TMEM108: variants seen among roughly 807,000 people sequenced by gnomAD.
TMEM108 encodes cancer/testis antigen 124.
In TMEM108, 12 loss-of-function variants were observed where a neutral mutation model predicts 35.1. The observed-to-expected ratio is 0.34, with a 90% CI of 0.22 to 0.55. The LOEUF (loss-of-function observed/expected upper bound fraction) is 0.55, where lower values mean the gene tolerates loss of function less well. Ranked by LOEUF, TMEM108 falls within the 20% of genes least tolerant of loss-of-function variation. TMEM108 has a pLI of 0.89. For synonymous variants in TMEM108, 287 were observed against 308.6 expected (o/e 0.93, Z 0.73); for missense variants, 680 against 753.3 (o/e 0.90, Z 1.14).
intron 2 of TMEM108, among the ~76,000 whole-genome samples, chr3:133,217,887 T>C (rs76038136): frequency 0.33 from 50,264 of 151,876 alleles, 8,859 homozygotes; most frequent in East Asian, 0.47. Flanking sequence ...TTGCTCAAGA[T>C]TACTTTGGCT....
At chr3:133,261,153 T>TTTCA (rs1194235553) in intron 3 of TMEM108, among the ~76,000 whole-genome samples, 1 of 152,188 alleles carries the variant, frequency 6.6e-6, no homozygotes, top group Non-Finnish European at 1.5e-5. Context: ...GTGGTACCTG[T>TTTCA]TTCATTCATT....
chr3:133,146,767 A>AT (rs1156920814), intron 2 of TMEM108, among the ~76,000 whole-genome samples: 1 of 151,964 alleles, frequency 6.6e-6, no homozygotes, highest in Non-Finnish European at 1.5e-5. Flanking sequence ...TGTTTATAGT[A>AT]TTTTCTGATG....
intron 3 of TMEM108, among the ~76,000 whole-genome samples, chr3:133,316,861 G>A (rs935284291): frequency 2.6e-5 from 4 of 152,194 alleles, no homozygotes; most frequent in Admixed American, 6.5e-5. Flanking sequence ...CAGACAGACC[G>A]TCTAAGTGAG....
At chr3:133,056,536 C>G (rs1943468034) in intron 2 of TMEM108, among the ~76,000 whole-genome samples, 1 of 152,096 alleles carries the variant, frequency 6.6e-6, no homozygotes, top group Non-Finnish European at 1.5e-5. Context: ...TATTTTCTGC[C>G]TTTTCATCCC....
In TMEM108 at chr3:133,207,156, A is replaced by G. The variant is rs532610963; in HGVS notation, c.-46-22110A>G. Among the ~76,000 whole-genome samples, 67 of 152,164 alleles carry G rather than the reference A, an allele frequency of 4.4e-4. 1 individual carries two copies. Among genetic ancestry groups the G allele is most frequent in the Admixed American group, 8.5e-4 (13 of 15,278 alleles). ...TCAGGGCCCTGGTGTTGCGAAGACC[A>G]TGGGAAAAGCATAGTATCTGCATTG... On this transcript the variant is annotated intron_variant, in intron 2 of 5. Transcript: ENST00000321871.
intron 2 of TMEM108, among the ~76,000 whole-genome samples, chr3:133,102,430 G>T (rs1380828881): frequency 6.6e-6 from 1 of 152,174 alleles, no homozygotes; most frequent in Admixed American, 6.5e-5. Flanking sequence ...ACTGCAGGAA[G>T]TTTTCTCTTT....
intron 4 of TMEM108, among the ~76,000 whole-genome samples, chr3:133,384,167 A>G (rs749778370): frequency 2.0e-5 from 3 of 152,302 alleles, no homozygotes; most frequent in East Asian, 1.9e-4. Flanking sequence ...CATTTATCTT[A>G]AAGCTACTCT....
chr3:133,062,170 A>G (rs1329492223), intron 2 of TMEM108, among the ~76,000 whole-genome samples: 1 of 152,228 alleles, frequency 6.6e-6, no homozygotes, highest in Non-Finnish European at 1.5e-5. Flanking sequence ...TCATTCCTTC[A>G]TCCAGTTTTT....
At chr3:133,086,899 G>T (rs773009411) in intron 2 of TMEM108, among the ~76,000 whole-genome samples, 2 of 152,160 alleles carry the variant, frequency 1.3e-5, no homozygotes, top group Non-Finnish European at 1.5e-5. Flanking sequence ...GGTTACAGAA[G>T]GATCAGCATG....
intron 4 of TMEM108, chr3:133,386,568 A>C: frequency 6.7e-7 from 1 of 1,490,914 alleles, no homozygotes; most frequent in Non-Finnish European, 8.9e-7. Context: ...CTGGGAACCC[A>C]AGAGAGCTTA....
intron 3 of TMEM108, among the ~76,000 whole-genome samples, chr3:133,299,114 A>T (rs1947184408): frequency 6.6e-6 from 1 of 152,222 alleles, no homozygotes; most frequent in African/African-American, 2.4e-5. Context: ...GGGAAACTAT[A>T]TAAAGCTCAC....
At chr3:133,153,781 G>A (rs1422818254) in intron 2 of TMEM108, among the ~76,000 whole-genome samples, 3 of 152,130 alleles carry the variant, frequency 2.0e-5, no homozygotes, top group African/African-American at 7.2e-5. Flanking sequence ...CAAAACAAAG[G>A]CAAACCGAAG....
At chr3:133,075,886 G>C (rs75741724) in intron 2 of TMEM108, among the ~76,000 whole-genome samples, 2,539 of 152,244 alleles carry the variant, frequency 0.017, 83 homozygotes, top group African/African-American at 0.058. Flanking sequence ...GACAAAGACA[G>C]GAGGCCACAA....
intron 2 of TMEM108, among the ~76,000 whole-genome samples, chr3:133,199,492 T>G (rs1043408689): frequency 6.6e-6 from 1 of 152,186 alleles, no homozygotes; most frequent in East Asian, 1.9e-4. Flanking sequence ...TGTTTGTTAG[T>G]TTTCCTTCTA....
intron 2 of TMEM108, among the ~76,000 whole-genome samples, chr3:133,139,557 G>A (rs1944613951): frequency 6.6e-6 from 1 of 152,172 alleles, no homozygotes; most frequent in Non-Finnish European, 1.5e-5. Flanking sequence ...CAATGACTAG[G>A]GGAAAATCAG....
At chr3:133,205,938 T>C (rs981006316) in intron 2 of TMEM108, among the ~76,000 whole-genome samples, 1 of 152,212 alleles carries the variant, frequency 6.6e-6, no homozygotes, top group Admixed American at 6.5e-5. Flanking sequence ...GGTACACCAA[T>C]CAAATATAGG....
chr3:133,257,461 C>T (rs975679037), intron 3 of TMEM108, among the ~76,000 whole-genome samples: 7 of 152,170 alleles, frequency 4.6e-5, no homozygotes, highest in Admixed American at 6.5e-5. Context: ...AAGCTTTGCT[C>T]GTGTCTAGAA....
intron 3 of TMEM108, among the ~76,000 whole-genome samples, chr3:133,300,466 T>C (rs1280825945): frequency 6.6e-6 from 1 of 152,010 alleles, no homozygotes; most frequent in Non-Finnish European, 1.5e-5. Context: ...TCATCAGATG[T>C]GGTAAGAGTT....
chr3:133,367,927 T>A (rs1467110140), intron 3 of TMEM108, among the ~76,000 whole-genome samples: 1 of 152,174 alleles, frequency 6.6e-6, no homozygotes, highest in Non-Finnish European at 1.5e-5. Flanking sequence ...GCCCCAATGT[T>A]CTTTTTAGGT....
Sources: gnomAD v4.1 joint callset for allele counts (sites outside exome capture counted in the v4.1 genomes callset) on GRCh38, gnomAD v4.1.1 for gene constraint, MANE v1.5 for transcripts, NCBI Gene and HGNC (gene_info 2026-07-23, HGNC 2026-07-21) for gene names.